The following SGCZ variants were observed in gnomAD, a reference collection of about 807,000 sequenced individuals.
The protein encoded by SGCZ is zeta-sarcoglycan.
SGCZ carries 40 observed loss-of-function variants against 41.3 expected under a neutral mutation model. That is an observed-to-expected ratio of 0.97 (90% confidence interval 0.75 to 1.26). The LOEUF is 1.26. Among genes scored for constraint, SGCZ ranks in the 50% most tolerant of loss-of-function variants. The pLI is 0.00. For synonymous variants in SGCZ, 206 were observed against 137.5 expected (o/e 1.50, Z -3.49); for missense variants, 552 against 369.8 (o/e 1.49, Z -4.04).
chr8:14,805,802 T>C (rs1294129123), intron 1 of SGCZ, among the ~76,000 whole-genome samples: 1 of 151,692 alleles, frequency 6.6e-6, no homozygotes, highest in Non-Finnish European at 1.5e-5. Flanking sequence ...ACACCACACC[T>C]ATTCCAAAAT....
At chr8:14,256,549 G>C (rs1005545868) in intron 3 of SGCZ, among the ~76,000 whole-genome samples, 1 of 139,574 alleles carries the variant, frequency 7.2e-6, no homozygotes, top group Non-Finnish European at 1.6e-5. Context: ...TTGATGTTCA[G>C]TTGGAATTAC....
intron 1 of SGCZ, among the ~76,000 whole-genome samples, chr8:14,563,409 G>C (rs568130110): frequency 6.6e-6 from 1 of 152,258 alleles, no homozygotes; most frequent in South Asian, 2.1e-4. Flanking sequence ...GGTGTGAGTG[G>C]ACAGAAAGAA....
intron 1 of SGCZ, among the ~76,000 whole-genome samples, chr8:15,224,109 G>T (rs183543964): frequency 6.6e-6 from 1 of 152,202 alleles, no homozygotes; most frequent in East Asian, 1.9e-4. Flanking sequence ...GCCTGCCTTC[G>T]CCTCCCAAAG....
At chr8:15,077,225 G>GT (rs1372547072) in intron 1 of SGCZ, among the ~76,000 whole-genome samples, 1 of 152,106 alleles carries the variant, frequency 6.6e-6, no homozygotes, top group Admixed American at 6.5e-5. Flanking sequence ...TGGCTTCAGT[G>GT]TTAAGTACAA....
At chr8:15,042,914 T>C (rs1054154684) in intron 1 of SGCZ, among the ~76,000 whole-genome samples, 2 of 152,314 alleles carry the variant, frequency 1.3e-5, no homozygotes, top group East Asian at 1.9e-4. Context: ...TATTATTTAA[T>C]AGTGTTTCAA....
chr8:14,797,396 C>G (rs1257603862), intron 1 of SGCZ, among the ~76,000 whole-genome samples: 1 of 152,126 alleles, frequency 6.6e-6, no homozygotes, highest in African/African-American at 2.4e-5. Flanking sequence ...GACACTTGTT[C>G]TGCTTCAGCA....
chr8:14,945,651 G>C (rs927821880), intron 1 of SGCZ, among the ~76,000 whole-genome samples: 3 of 150,294 alleles, frequency 2.0e-5, no homozygotes, highest in Admixed American at 1.3e-4. Context: ...CCAGACTGAG[G>C]GGGGAGATCT....
intron 4 of SGCZ, among the ~76,000 whole-genome samples, chr8:14,204,724 T>C (rs1447588677): frequency 1.3e-5 from 2 of 152,286 alleles, no homozygotes; most frequent in East Asian, 3.9e-4. Context: ...TCCTTTATTT[T>C]TATGCTGAAG....
intron 2 of SGCZ, among the ~76,000 whole-genome samples, chr8:14,402,038 T>G (rs1048199105): frequency 3.9e-5 from 6 of 152,160 alleles, no homozygotes; most frequent in African/African-American, 9.6e-5. Context: ...CTGATGGCCA[T>G]GGATGATGAG....
At chr8:15,058,964 C>A (rs1410852971) in intron 1 of SGCZ, among the ~76,000 whole-genome samples, 3 of 152,030 alleles carry the variant, frequency 2.0e-5, no homozygotes, top group Non-Finnish European at 2.9e-5. Context: ...TAAGTTGAAA[C>A]TTCTTTTTAC....
At chr8:14,749,349 T>C (rs955089416) in intron 1 of SGCZ, among the ~76,000 whole-genome samples, 29 of 152,174 alleles carry the variant, frequency 1.9e-4, no homozygotes, top group South Asian at 4.1e-4. Flanking sequence ...ATTTTTTGAA[T>C]ACCAAACAGA....
At chr8:14,282,734 T>C (rs72603993) in intron 3 of SGCZ, among the ~76,000 whole-genome samples, 32,484 of 151,950 alleles carry the variant, frequency 0.21, 3,661 homozygotes, top group East Asian at 0.29. Context: ...AAATATTAGG[T>C]CTTCCAATTC....
chr8:15,065,842 G>A (rs1023551440), intron 1 of SGCZ, among the ~76,000 whole-genome samples: 2 of 152,062 alleles, frequency 1.3e-5, no homozygotes, highest in Non-Finnish European at 2.9e-5. Flanking sequence ...CTTAGCACGT[G>A]GTAGGGCCTT....
chr8:15,011,254 T>C (rs1483850020), intron 1 of SGCZ, among the ~76,000 whole-genome samples: 1 of 152,216 alleles, frequency 6.6e-6, no homozygotes, highest in South Asian at 2.1e-4. Flanking sequence ...TACTTCACTG[T>C]AGTTCCTACA....
intron 4 of SGCZ, among the ~76,000 whole-genome samples, chr8:14,175,766 C>T (rs957896312): frequency 5.3e-5 from 8 of 151,924 alleles, no homozygotes; most frequent in African/African-American, 1.9e-4. Context: ...ACTAAACACT[C>T]CAGGTTAAAA....
intron 1 of SGCZ, among the ~76,000 whole-genome samples, chr8:15,169,249 CT>C (rs1288549825): frequency 4.2e-4 from 64 of 152,112 alleles, no homozygotes; most frequent in African/African-American, 1.5e-3. Flanking sequence ...AGATGTACTT[CT>C]TTAAAGGGGG....
At chr8:14,243,000 T>A (rs1398572978) in intron 3 of SGCZ, among the ~76,000 whole-genome samples, 2 of 152,248 alleles carry the variant, frequency 1.3e-5, no homozygotes, top group African/African-American at 4.8e-5. Flanking sequence ...ATATGACCTC[T>A]ACTTTGCTGC....
At chr8:15,221,832 T>A (rs556562477) in intron 1 of SGCZ, among the ~76,000 whole-genome samples, 10 of 152,166 alleles carry the variant, frequency 6.6e-5, no homozygotes, top group Non-Finnish European at 1.5e-4. Flanking sequence ...CTGCATTTCG[T>A]TTTGTTCAGA....
At chr8:14,112,854 GA>G (rs148721798) in intron 5 of SGCZ, among the ~76,000 whole-genome samples, 1,766 of 152,072 alleles carry the variant, frequency 0.012, 32 homozygotes, top group African/African-American at 0.04. Flanking sequence ...AATACTAGTG[GA>G]AATGAGTTTG....
Sources: gnomAD v4.1 joint callset for allele counts (sites outside exome capture counted in the v4.1 genomes callset) on GRCh38, gnomAD v4.1.1 for gene constraint, MANE v1.5 for transcripts, NCBI Gene and HGNC (gene_info 2026-07-23, HGNC 2026-07-21) for gene names.